Variants in ACSL3 observed in about 807,000 individuals in gnomAD.
The protein encoded by ACSL3 is fatty acid CoA ligase Acsl3.
Under a neutral mutation model 84.7 loss-of-function variants are expected in ACSL3, and 34 were observed. That is an observed-to-expected ratio of 0.40 (90% CI 0.31 to 0.53). ACSL3 has a LOEUF of 0.53. Among genes scored for constraint, ACSL3 ranks in the 20% least tolerant of loss-of-function variants. The pLI is 0.48. For synonymous variants in ACSL3, 315 were observed against 299.4 expected (o/e 1.05, Z -0.54); for missense variants, 680 against 873.1 (o/e 0.78, Z 2.79).
At chr2:222,869,047 A>T (rs1005197443) in intron 1 of ACSL3, among the ~76,000 whole-genome samples, 1 of 152,036 alleles carries the variant, frequency 6.6e-6, no homozygotes, top group African/African-American at 2.4e-5. Flanking sequence ...AAGTGAGTTG[A>T]CATGGTGAAA....
intron 16 of ACSL3, among the ~76,000 whole-genome samples, chr2:222,940,123 TCTTCC>T (rs1697266849): frequency 6.6e-6 from 1 of 152,250 alleles, no homozygotes; most frequent in South Asian, 2.1e-4. Context: ...TGTTTTCCTT[TCTTCC>T]CTTCCTTTCT....
intron 1 of ACSL3, among the ~76,000 whole-genome samples, chr2:222,883,982 T>C (rs1048696111): frequency 6.6e-6 from 1 of 152,222 alleles, no homozygotes. Flanking sequence ...CTCTTATGCC[T>C]TTGAGAATAT....
intron 4 of ACSL3, among the ~76,000 whole-genome samples, chr2:222,914,640 A>T (rs1696529441): frequency 6.6e-6 from 1 of 152,150 alleles, no homozygotes; most frequent in Non-Finnish European, 1.5e-5. Context: ...GGGATGTATG[A>T]TAGGATTGCT....
At chr2:222,884,929 T>C (rs1390603791) in intron 1 of ACSL3, among the ~76,000 whole-genome samples, 1 of 152,206 alleles carries the variant, frequency 6.6e-6, no homozygotes, top group Non-Finnish European at 1.5e-5. Flanking sequence ...TTCTCCACCC[T>C]AGACAAAAGG....
At chr2:222,870,497 A>G (rs1695271391) in intron 1 of ACSL3, among the ~76,000 whole-genome samples, 1 of 152,238 alleles carries the variant, frequency 6.6e-6, no homozygotes, top group South Asian at 2.1e-4. Flanking sequence ...ACAAAAGAAA[A>G]TGAGTGCCAT....
chr2:222,866,306 C>T (rs576074629), intron 1 of ACSL3, among the ~76,000 whole-genome samples: 46 of 152,112 alleles, frequency 3.0e-4, no homozygotes, highest in African/African-American at 6.3e-4. Flanking sequence ...CCACCATGCC[C>T]GGCTAATTTT....
chr2:222,876,557 G>A (rs1574519382), intron 1 of ACSL3, among the ~76,000 whole-genome samples: 2 of 152,016 alleles, frequency 1.3e-5, no homozygotes, highest in Admixed American at 6.5e-5. Flanking sequence ...CCTGGACTCA[G>A]GCATTCCTCC....
At chr2:222,880,645 G>A (rs893394362) in intron 1 of ACSL3, among the ~76,000 whole-genome samples, 8 of 151,856 alleles carry the variant, frequency 5.3e-5, no homozygotes, top group Middle Eastern at 3.4e-3. Context: ...TGGCTAACAC[G>A]GTGAAACCCT....
At chr2:222,937,282 C>T (rs540567862) in intron 16 of ACSL3, among the ~76,000 whole-genome samples, 4 of 151,766 alleles carry the variant, frequency 2.6e-5, no homozygotes, top group Non-Finnish European at 5.9e-5. Context: ...TTTTTTTTAT[C>T]CTGCAACTTT....
At chr2:222,905,669 C>G (rs546000221) in intron 3 of ACSL3, among the ~76,000 whole-genome samples, 1 of 152,206 alleles carries the variant, frequency 6.6e-6, no homozygotes, top group South Asian at 2.1e-4. Flanking sequence ...ATGGCAAAAA[C>G]CAAATTCCCT....
At chr2:222,918,537 G>A (rs75765245) in intron 6 of ACSL3, among the ~76,000 whole-genome samples, 11,882 of 144,802 alleles carry the variant, frequency 0.082, 558 homozygotes, top group Middle Eastern at 0.18. Flanking sequence ...GAATTGTTTG[G>A]AAGTTAAAAA....
chr2:222,902,022 C>A (rs1696167263), intron 3 of ACSL3, among the ~76,000 whole-genome samples: 1 of 146,330 alleles, frequency 6.8e-6, no homozygotes, highest in Non-Finnish European at 1.5e-5. Context: ...CAGTGGTAAA[C>A]ACAATACCCA....
chr2:222,884,566 C>T (rs1478527991), intron 1 of ACSL3, among the ~76,000 whole-genome samples: 1 of 152,196 alleles, frequency 6.6e-6, no homozygotes, highest in East Asian at 1.9e-4. Flanking sequence ...TTCAGGCCAG[C>T]ATCTTCAAAT....
chr2:222,944,532 C>A lies in ACSL3; in HGVS notation c.*2878C>A, dbSNP rs757719432. 1 of 151,802 alleles carries A rather than the reference C, an allele frequency of 6.6e-6. No homozygotes were observed. The highest frequency in any genetic ancestry group is 1.5e-5 in the Non-Finnish European group (1 of 67,952). 9.4% of individuals were successfully genotyped at this position (151,802 alleles called of 1,614,324 possible). On this transcript the variant is annotated 3_prime_UTR_variant, in exon 17 of 17. Coordinates refer to ENST00000357430, the MANE Select transcript of ACSL3 (RefSeq NM_004457.5). Reference sequence around the variant, plus strand: ...GTTCTTGGTTGTTGCTGTTTTCTGCCTGAAGACGTGTATCATAAAGAGCTA... The same window carrying A: ...GTTCTTGGTTGTTGCTGTTTTCTGCATGAAGACGTGTATCATAAAGAGCTA...
intron 11 of ACSL3, among the ~76,000 whole-genome samples, chr2:222,924,820 G>A (rs558558704): frequency 1.3e-4 from 19 of 151,726 alleles, no homozygotes; most frequent in Admixed American, 3.3e-4. Flanking sequence ...TCAGGAGATC[G>A]AGACCATCCT....
intron 3 of ACSL3, among the ~76,000 whole-genome samples, chr2:222,901,926 A>T (rs1038402616): frequency 1.6e-5 from 2 of 122,560 alleles, no homozygotes; most frequent in African/African-American, 6.2e-5. Flanking sequence ...CCTGGGTGAC[A>T]GAGTGAGACT....
chr2:222,886,880 C>T (rs1695737103), intron 1 of ACSL3, among the ~76,000 whole-genome samples: 1 of 152,184 alleles, frequency 6.6e-6, no homozygotes, highest in Non-Finnish European at 1.5e-5. Flanking sequence ...CCTACCTCCC[C>T]AGAGTGCTAC....
intron 2 of ACSL3, among the ~76,000 whole-genome samples, chr2:222,899,052 TGAGAG>T (rs1323285424): frequency 6.6e-6 from 1 of 152,034 alleles, no homozygotes; most frequent in Non-Finnish European, 1.5e-5. Flanking sequence ...GCAGTTTATC[TGAGAG>T]GAAAGAATTT....
chr2:222,937,563 C>T (rs1395295423), intron 16 of ACSL3, among the ~76,000 whole-genome samples: 3 of 151,946 alleles, frequency 2.0e-5, no homozygotes, highest in African/African-American at 7.3e-5. Context: ...AATTAATGTC[C>T]TTCTTTGTCT....
Sources: allele counts gnomAD v4.1 joint callset (sites outside exome capture counted in the v4.1 genomes callset), GRCh38; gene constraint gnomAD v4.1.1; transcripts MANE v1.5; gene names NCBI Gene and HGNC (gene_info 2026-07-23, HGNC 2026-07-21).